Variants in PBX1 observed in about 807,000 individuals in gnomAD.
The protein encoded by PBX1 is PBX homeobox 1, also known as pre-B-cell leukemia transcription factor 1.
Under a neutral mutation model 53.4 loss-of-function variants are expected in PBX1, and 6 were observed. The observed-to-expected ratio is 0.11, with a 90% CI of 0.06 to 0.22. The LOEUF is 0.22. PBX1 is among the 10% of genes least tolerant of loss of function. The pLI is 1.00. For synonymous variants in PBX1, 204 were observed against 212.3 expected (o/e 0.96, Z 0.34); for missense variants, 251 against 551.4 (o/e 0.46, Z 5.46).
chr1:164,732,643 TTTC>T (rs950109571), intron 2 of PBX1, among the ~76,000 whole-genome samples: 3 of 152,112 alleles, frequency 2.0e-5, no homozygotes, highest in African/African-American at 7.2e-5. Flanking sequence ...ATACACTTTT[TTTC>T]TTTTCTCCTT....
chr1:164,852,684 C>G (rs140578420), downstream of PBX1, among the ~76,000 whole-genome samples: 4 of 152,232 alleles, frequency 2.6e-5, no homozygotes, highest in African/African-American at 9.6e-5. Context: ...ATCACTTATC[C>G]CAATCACAAT....
intron 4 of PBX1, among the ~76,000 whole-genome samples, chr1:164,803,635 G>A (rs1669194127): frequency 6.6e-6 from 1 of 152,200 alleles, no homozygotes; most frequent in Non-Finnish European, 1.5e-5. Context: ...GGCATATGAT[G>A]TGGCTAGATG....
chr1:164,599,277 T>C (rs913278206), intron 2 of PBX1, among the ~76,000 whole-genome samples: 27 of 152,140 alleles, frequency 1.8e-4, no homozygotes, highest in African/African-American at 6.0e-4. Flanking sequence ...TTTTAAGTTC[T>C]GGGATACATG....
intron 2 of PBX1, among the ~76,000 whole-genome samples, chr1:164,865,676 C>T (rs796066712): frequency 3.3e-5 from 5 of 152,328 alleles, no homozygotes; most frequent in African/African-American, 1.2e-4. Context: ...AGCAGAGGAG[C>T]CGAGAATCTG....
intron 2 of PBX1, among the ~76,000 whole-genome samples, chr1:164,882,068 A>C (rs1216391167): frequency 1.3e-5 from 2 of 151,512 alleles, no homozygotes; most frequent in African/African-American, 4.9e-5. Flanking sequence ...AAATAACCTG[A>C]GTCAGTTTCA....
At position 164,663,345 on chromosome 1, in the gene PBX1, C is replaced by A. The variant is rs184594332; in HGVS notation, c.265+100034C>A. On this transcript the variant is annotated intron_variant, in intron 2 of 8. Transcript: ENST00000420696. ...CTCTCTCTTCTTCCCTTTCCTCCTT[C>A]CTTTTTTCCTTCCATCCTTTATTTA... Among the ~76,000 whole-genome samples, 1,370 of 152,142 alleles carry A rather than the reference C, an allele frequency of 9.0e-3. 18 individuals are homozygous for A. The highest frequency in any genetic ancestry group is 0.032 in the African/African-American group (1,309 of 41,510).
chr1:164,667,518 G>A (rs1660875693), intron 2 of PBX1, among the ~76,000 whole-genome samples: 1 of 152,022 alleles, frequency 6.6e-6, no homozygotes, highest in African/African-American at 2.4e-5. Flanking sequence ...GTGGACATTT[G>A]GGTCAAGACC....
intron 6 of PBX1, chr1:164,814,908 T>G (rs1195621718): frequency 6.6e-6 from 1 of 152,232 alleles, no homozygotes; most frequent in Non-Finnish European, 1.5e-5. Context: ...GCATAATTTT[T>G]TTTTTAAATC....
At chr1:164,608,160 C>T (rs1656682223) in intron 2 of PBX1, among the ~76,000 whole-genome samples, 3 of 152,342 alleles carry the variant, frequency 2.0e-5, no homozygotes, top group Middle Eastern at 3.4e-3. Context: ...CTGTATTTCT[C>T]ATGTCTGCAT....
At chr1:164,858,080 A>T (rs1672015134) in intron 2 of PBX1, among the ~76,000 whole-genome samples, 1 of 152,168 alleles carries the variant, frequency 6.6e-6, no homozygotes, top group African/African-American at 2.4e-5. Context: ...ATATCAAGCT[A>T]GCCTGGCTGC....
chr1:164,878,234 A>G (rs760905996), intron 2 of PBX1, among the ~76,000 whole-genome samples: 6 of 152,206 alleles, frequency 3.9e-5, no homozygotes, highest in Non-Finnish European at 7.3e-5. Context: ...TTAAAACTAC[A>G]TTATAGGGTT....
At chr1:164,688,018 C>T (rs1251133925) in intron 2 of PBX1, among the ~76,000 whole-genome samples, 1 of 152,214 alleles carries the variant, frequency 6.6e-6, no homozygotes, top group Admixed American at 6.5e-5. Context: ...GGCTCTTCCC[C>T]TAGCGACAAC....
At chr1:164,568,505 C>T (rs1487167803) in intron 2 of PBX1, among the ~76,000 whole-genome samples, 1 of 152,100 alleles carries the variant, frequency 6.6e-6, no homozygotes, top group African/African-American at 2.4e-5. Context: ...TGCCCTTTAC[C>T]TGCAATGGTG....
intron 2 of PBX1, among the ~76,000 whole-genome samples, chr1:164,885,576 A>G (rs1672758270): frequency 6.6e-6 from 1 of 152,162 alleles, no homozygotes; most frequent in Admixed American, 6.5e-5. Context: ...GTGGTACACT[A>G]GCTCTAACAT....
At chr1:164,877,411 C>G (rs1007107798) in intron 2 of PBX1, among the ~76,000 whole-genome samples, 2 of 152,090 alleles carry the variant, frequency 1.3e-5, no homozygotes, top group Non-Finnish European at 2.9e-5. Context: ...GCCTGTAATC[C>G]CAGCACTTTG....
At chr1:164,611,317 A>G (rs1445245009) in intron 2 of PBX1, among the ~76,000 whole-genome samples, 1 of 152,078 alleles carries the variant, frequency 6.6e-6, no homozygotes, top group Non-Finnish European at 1.5e-5. Context: ...GGCTCACTGC[A>G]AGCTCCGCCT....
At chr1:164,782,122 G>C (rs1348458728) in intron 2 of PBX1, among the ~76,000 whole-genome samples, 2 of 152,126 alleles carry the variant, frequency 1.3e-5, no homozygotes, top group African/African-American at 4.8e-5. Context: ...TGGTGGGCTG[G>C]TCTCCAGGGT....
In PBX1 at chr1:164,875,988, G is replaced by GTA. The variant is rs369277110; in HGVS notation, n.258-23183_258-23182dup. Among the ~76,000 whole-genome samples, 357 of 56,920 alleles carry GTA rather than the reference G, an allele frequency of 6.3e-3. 37 individuals are homozygous for GTA. The highest frequency in any genetic ancestry group is 0.014 in the African/African-American group (323 of 23,882). 37.3% of individuals were successfully genotyped at this position (56,920 alleles called of 152,430 possible). ...ATACCTATATATATTTGGTGTATGTGTATATATATATATATATACACACAT... is the reference window on the plus strand; with the variant it reads ...ATACCTATATATATTTGGTGTATGTGTATATATATATATATATATACACACAT... On this transcript the variant is annotated intron_variant and non_coding_transcript_variant, in intron 2 of 2. Transcript: ENST00000558796.
chr1:164,818,014 G>A (rs1397300267), intron 6 of PBX1: 1 of 152,100 alleles, frequency 6.6e-6, no homozygotes, highest in Non-Finnish European at 1.5e-5. Context: ...AGTTGGGTGG[G>A]GGAGTCTGAT....
Sources: allele counts gnomAD v4.1 joint callset (sites outside exome capture counted in the v4.1 genomes callset), GRCh38; gene constraint gnomAD v4.1.1; transcripts MANE v1.5; gene names NCBI Gene and HGNC (gene_info 2026-07-23, HGNC 2026-07-21).